The following NFIA variants were observed in gnomAD, a reference collection of about 807,000 sequenced individuals.
The protein encoded by NFIA is nuclear factor 1 A-type.
A neutral mutation model predicts 62.8 loss-of-function variants in NFIA; 8 were observed. The observed-to-expected ratio is 0.13, with a 90% CI of 0.07 to 0.23. NFIA has a LOEUF of 0.23. Ranked by LOEUF, NFIA falls within the 10% of genes least tolerant of loss-of-function variation. The pLI is 1.00. For synonymous variants in NFIA, 235 were observed against 238.1 expected (o/e 0.99, Z 0.12); for missense variants, 410 against 642.1 (o/e 0.64, Z 3.91).
At chr1:61,082,111 A>T (rs2100400956), upstream of NFIA, 1 of 1,387,184 alleles carries the variant, frequency 7.2e-7, no homozygotes, top group South Asian at 1.2e-5. Context: ...TTGTTTGCTT[A>T]AGCACATCCT....
rs116698160 is a variant in NFIA, at chr1:61,285,537, T to G, written c.625+7952T>G. On this transcript the variant is annotated intron_variant, in intron 3 of 10. Transcript: ENST00000403491. The stretch of plus-strand genomic sequence containing the variant: ...AAAATTCATGTGGCCACAAGGATTT[T>G]TGGCACCTTTTCTCCCTGCAGCTTC... Among the ~76,000 whole-genome samples the G allele has an allele frequency of 6.0e-3, 918 of 152,308 alleles. 10 individuals are homozygous for G. The highest frequency in any genetic ancestry group is 0.021 in the African/African-American group (879 of 41,568).
chr1:61,097,996 G>C (rs547495862), intron 2 of NFIA, among the ~76,000 whole-genome samples: 1 of 152,290 alleles, frequency 6.6e-6, no homozygotes, highest in African/African-American at 2.4e-5. Flanking sequence ...ATGACATCAA[G>C]CCCTTCTTCG....
At chr1:61,285,513 A>G (rs1389860994) in intron 3 of NFIA, among the ~76,000 whole-genome samples, 1 of 152,170 alleles carries the variant, frequency 6.6e-6, no homozygotes, top group Admixed American at 6.5e-5. Context: ...CCTGCTAGAA[A>G]AATTCATGTG....
At chr1:61,407,254 C>T (rs1356534366) in intron 9 of NFIA, among the ~76,000 whole-genome samples, 2 of 152,066 alleles carry the variant, frequency 1.3e-5, no homozygotes, top group African/African-American at 4.8e-5. Flanking sequence ...TGCTAGTAGC[C>T]CTGGCAGTCG....
intron 2 of NFIA, among the ~76,000 whole-genome samples, chr1:61,227,329 G>A (rs1300699759): frequency 6.6e-6 from 1 of 151,792 alleles, no homozygotes; most frequent in Non-Finnish European, 1.5e-5. Context: ...TTTAGAAATT[G>A]GTTGAGCTGT....
intron 2 of NFIA, among the ~76,000 whole-genome samples, chr1:61,214,022 G>A (rs1653442791): frequency 6.6e-6 from 1 of 152,230 alleles, no homozygotes. Flanking sequence ...TTCGTCGGAA[G>A]TATAGGAGTT....
intron 3 of NFIA, among the ~76,000 whole-genome samples, chr1:61,311,566 C>T (rs1660119463): frequency 6.6e-6 from 1 of 152,110 alleles, no homozygotes; most frequent in South Asian, 2.1e-4. Flanking sequence ...GTTAGCAGCA[C>T]CCATGGCCTC....
chr1:61,112,042 C>T (rs1459791271), intron 2 of NFIA, among the ~76,000 whole-genome samples: 1 of 151,826 alleles, frequency 6.6e-6, no homozygotes, highest in East Asian at 1.9e-4. Context: ...CACTAATTAA[C>T]ATCTCATTTG....
chr1:61,254,507 C>G (rs926660562), intron 2 of NFIA, among the ~76,000 whole-genome samples: 1 of 152,140 alleles, frequency 6.6e-6, no homozygotes, highest in Non-Finnish European at 1.5e-5. Context: ...AGTAGAAATT[C>G]ACTGTTCTTC....
chr1:61,274,005 C>T (rs1055773099), intron 2 of NFIA, among the ~76,000 whole-genome samples: 1 of 152,068 alleles, frequency 6.6e-6, no homozygotes, highest in Admixed American at 6.6e-5. Context: ...TTTGAGGAGC[C>T]GAATATGTGT....
intron 3 of NFIA, among the ~76,000 whole-genome samples, chr1:61,307,953 A>G (rs771958596): frequency 1.3e-5 from 2 of 152,188 alleles, no homozygotes; most frequent in Non-Finnish European, 2.9e-5. Context: ...TGCTCCCCAG[A>G]GGACTAAGAT....
At chr1:61,433,870 C>T (rs1266331146) in intron 10 of NFIA, among the ~76,000 whole-genome samples, 4 of 152,124 alleles carry the variant, frequency 2.6e-5, no homozygotes, top group Admixed American at 2.0e-4. Flanking sequence ...TCTGATTCCA[C>T]GTGTCCTATG....
intron 2 of NFIA, among the ~76,000 whole-genome samples, chr1:61,258,041 A>G (rs1203087081): frequency 1.3e-5 from 2 of 151,968 alleles, no homozygotes; most frequent in Admixed American, 6.6e-5. Context: ...CATGTATACT[A>G]TGTGCCTTGA....
intron 3 of NFIA, among the ~76,000 whole-genome samples, chr1:61,318,989 A>C (rs767118249): frequency 7.9e-5 from 12 of 152,212 alleles, no homozygotes; most frequent in East Asian, 1.9e-4. Flanking sequence ...GTCATAACCC[A>C]GTGCCCTTTC....
chr1:61,110,904 G>C (rs2100452935), intron 2 of NFIA, among the ~76,000 whole-genome samples: 1 of 152,236 alleles, frequency 6.6e-6, no homozygotes, highest in African/African-American at 2.4e-5. Context: ...TTCTGCATTT[G>C]CTTAAGAAAT....
intron 9 of NFIA, among the ~76,000 whole-genome samples, chr1:61,416,683 A>G (rs1038930214): frequency 2.0e-5 from 3 of 152,200 alleles, no homozygotes; most frequent in Admixed American, 1.3e-4. Context: ...ATTATTAAAA[A>G]TCAAGCATTT....
At chr1:61,360,836 A>G (rs754612543) in intron 6 of NFIA, among the ~76,000 whole-genome samples, 6 of 152,164 alleles carry the variant, frequency 3.9e-5, no homozygotes, top group Non-Finnish European at 5.9e-5. Context: ...AAACAAAAAC[A>G]CCTCAGGCCC....
chr1:61,228,386 T>TGCA (rs1229772391), intron 2 of NFIA, among the ~76,000 whole-genome samples: 8 of 152,222 alleles, frequency 5.3e-5, no homozygotes, highest in Admixed American at 3.9e-4. Context: ...AGCGGGTTTT[T>TGCA]GCAGTCTGTC....
chr1:61,177,464 T>C (rs1650455385), intron 2 of NFIA, among the ~76,000 whole-genome samples: 1 of 152,232 alleles, frequency 6.6e-6, no homozygotes, highest in Non-Finnish European at 1.5e-5. Context: ...CTTTCCCATT[T>C]ATCTAGTGAT....
Sources: gnomAD v4.1 joint callset for allele counts (sites outside exome capture counted in the v4.1 genomes callset) on GRCh38, gnomAD v4.1.1 for gene constraint, MANE v1.5 for transcripts, NCBI Gene and HGNC (gene_info 2026-07-23, HGNC 2026-07-21) for gene names.